AVEN: variants seen among roughly 807,000 people sequenced by gnomAD.
The protein encoded by AVEN is apoptosis and caspase activation inhibitor, also known as cell death regulator Aven.
AVEN carries 41 observed loss-of-function variants against 38.1 expected under a neutral mutation model. That is an observed-to-expected ratio of 1.08 (90% CI 0.84 to 1.40). The LOEUF (loss-of-function observed/expected upper bound fraction) is 1.40, where lower values mean the gene tolerates loss of function less well. Among genes scored for constraint, AVEN ranks in the 40% most tolerant of loss-of-function variants. AVEN has a pLI of 0.00. For missense variants in AVEN, 605 were observed against 438.8 expected (o/e 1.38, Z -3.38); for synonymous variants, 206 against 171.8 (o/e 1.20, Z -1.56).
chr15:33,893,234 C>T (rs896530266), intron 2 of AVEN, among the ~76,000 whole-genome samples: 1 of 152,166 alleles, frequency 6.6e-6, no homozygotes, highest in African/African-American at 2.4e-5. Flanking sequence ...CTGATTACAC[C>T]AGCCAGAACT....
chr15:33,894,255 C>G (rs1892113479), intron 2 of AVEN, among the ~76,000 whole-genome samples: 1 of 151,852 alleles, frequency 6.6e-6, no homozygotes, highest in Non-Finnish European at 1.5e-5. Flanking sequence ...TGACTGATGC[C>G]AAGAATTTTA....
chr15:33,960,744 T>A lies in AVEN; in HGVS notation c.445+42288A>T, dbSNP rs373725911. ...ATTTTATCTTCTGCTGTATAGCGAC[T>A]TGAGTATAACATAAAGATAACATTA... On this transcript the variant is annotated intron_variant, in intron 2 of 5. Transcript: ENST00000306730. Among the ~76,000 whole-genome samples, 21 of 152,314 alleles carry A rather than the reference T, an allele frequency of 1.4e-4. No homozygotes were observed. In the South Asian group the frequency reaches 4.1e-3, roughly 30 times the overall value.
Position 33,867,815 on chromosome 15 carries a change from C to T in AVEN, c.653G>A (p.Arg218Lys). ...PLEVPQVKPK[R>K]TDDGKGLGMQ... ...CCCTAATCCCTTGCCATCATCAGTT[C>T]TCTTTGGTTTCACCTGAGGAACCTC... Residue 218 changes from arginine (R) to lysine (K), a missense_variant, in exon 5 of 6, where the codon AGA (arginine) becomes AAA (lysine). Coordinates refer to ENST00000306730, the MANE Select transcript of AVEN (RefSeq NM_020371.3). 1 of 1,606,664 alleles carries T rather than the reference C, an allele frequency of 6.2e-7. No individual in the cohort carries two copies. Among genetic ancestry groups the T allele is most frequent in the Non-Finnish European group, 8.5e-7 (1 of 1,177,834 alleles).
In AVEN at chr15:33,867,643, C is replaced by G. The variant is rs1890695107; in HGVS notation, c.825G>C (p.Leu275=). ...CTTCCAAATGGTCTCCTGCTGACTG[C>G]AGTGGGGAAGTGGGTTTCTGAGAAT... is the stretch of plus-strand genomic sequence containing the variant. The part of the protein sequence containing the change: ...SRDSQKPTSP[L]QSAGDHLEEE... Residue 275 remains leucine (L), a synonymous_variant, in exon 5 of 6, where the codon CTG becomes CTC. Transcript: ENST00000306730. 1 of 1,614,166 alleles carries G rather than the reference C, an allele frequency of 6.2e-7. No individual in the cohort carries two copies. The highest frequency in any genetic ancestry group is 8.5e-7 in the Non-Finnish European group (1 of 1,180,030).
intron 2 of AVEN, among the ~76,000 whole-genome samples, chr15:33,942,212 G>C (rs1176239951): frequency 6.6e-6 from 1 of 152,104 alleles, no homozygotes; most frequent in Non-Finnish European, 1.5e-5. Context: ...AGCTCCTGTT[G>C]TCAAATTCTA....
At chr15:33,942,718 T>C (rs922582924) in intron 2 of AVEN, among the ~76,000 whole-genome samples, 6 of 152,248 alleles carry the variant, frequency 3.9e-5, no homozygotes, top group Non-Finnish European at 7.3e-5. Flanking sequence ...CCCAAAGTGC[T>C]GGGATTACAG....
intron 5 of AVEN, 144 bp from the exon 6 acceptor site, chr15:33,866,872 C>CAAAT: frequency 3.2e-6 from 2 of 625,572 alleles, no homozygotes; most frequent in East Asian, 5.7e-5. Context: ...AATATCTAAA[C>CAAAT]AAATAAAGCT....
Position 34,058,484 on chromosome 15 carries a change from G to C in AVEN, n.1637+4438C>G, listed in dbSNP as rs529958323. On this transcript the variant is annotated intron_variant and non_coding_transcript_variant, in intron 5 of 11. Coordinates refer to the AVEN transcript ENST00000675287. ...CCTGAGAAATCAGGAGAGAGAGAGA[G>C]CCAATTTCCCAAACAGGCCACTATA... 2.6e-5 allele frequency among the ~76,000 whole-genome samples: 4 copies of C among 151,652 alleles called. No individual in the cohort carries two copies. In the South Asian group the frequency reaches 8.3e-4, roughly 32 times the overall value.
chr15:33,878,129 A>G (rs117891726), intron 2 of AVEN, among the ~76,000 whole-genome samples: 4,945 of 152,288 alleles, frequency 0.032, 157 homozygotes, highest in Non-Finnish European at 0.039. Flanking sequence ...TACCAATTTC[A>G]CCTAATGAAG....
intron 2 of AVEN, among the ~76,000 whole-genome samples, chr15:33,994,531 T>G (rs1266461662): frequency 6.6e-6 from 1 of 152,200 alleles, no homozygotes; most frequent in Non-Finnish European, 1.5e-5. Flanking sequence ...GTGGAAAAAT[T>G]GTCTTCCACA....
chr15:33,938,713 G>T (rs1894196909), intron 2 of AVEN, among the ~76,000 whole-genome samples: 1 of 152,144 alleles, frequency 6.6e-6, no homozygotes, highest in East Asian at 1.9e-4. Flanking sequence ...AACAGAGAAT[G>T]CATTAGTTAT....
At chr15:33,883,223 G>C (rs996273160) in intron 2 of AVEN, among the ~76,000 whole-genome samples, 4 of 152,292 alleles carry the variant, frequency 2.6e-5, no homozygotes, top group South Asian at 4.2e-4. Flanking sequence ...AGCAACTTTA[G>C]TATTGCAAAT....
At chr15:33,878,284 A>C (rs909692028) in intron 2 of AVEN, among the ~76,000 whole-genome samples, 1 of 152,176 alleles carries the variant, frequency 6.6e-6, no homozygotes, top group Admixed American at 6.5e-5. Flanking sequence ...ATGTATTCAA[A>C]AGTCTCAATA....
intron 1 of AVEN, among the ~76,000 whole-genome samples, chr15:34,072,161 C>A (rs1030456276): frequency 2.0e-5 from 3 of 151,830 alleles, no homozygotes; most frequent in Non-Finnish European, 4.4e-5. Context: ...CCTAGCTGCT[C>A]AAGAGGCTGA....
chr15:33,876,106 G>T (rs577649759), intron 2 of AVEN, 111 bp from the exon 3 acceptor site: 1 of 931,932 alleles, frequency 1.1e-6, no homozygotes, highest in East Asian at 2.6e-5. Context: ...CAAACTCAAA[G>T]GGAGAGGCAA....
At chr15:33,873,117 T>C (rs1891064478) in intron 3 of AVEN, among the ~76,000 whole-genome samples, 2 of 143,378 alleles carry the variant, frequency 1.4e-5, no homozygotes. Context: ...TTTTTTTTTT[T>C]TTGAGATGGA....
At chr15:34,029,886 G>T (rs1376004283) in intron 1 of AVEN, among the ~76,000 whole-genome samples, 2 of 152,158 alleles carry the variant, frequency 1.3e-5, no homozygotes, top group African/African-American at 4.8e-5. Flanking sequence ...AGGAAAAAAT[G>T]ATGTTGAAAC....
At chr15:34,041,063 T>C (rs183460364), upstream of AVEN, among the ~76,000 whole-genome samples, 3 of 152,220 alleles carry the variant, frequency 2.0e-5, no homozygotes, top group East Asian at 5.8e-4. Flanking sequence ...AACTAGACAT[T>C]TGCACAAATC....
chr15:33,868,791 T>C lies in AVEN; in HGVS notation c.613-936A>G, dbSNP rs1890812508. Among the ~76,000 whole-genome samples, 3 of 152,154 alleles carry C rather than the reference T, an allele frequency of 2.0e-5. 1 individual carries two copies. The South Asian group carries it at 6.2e-4, about 32-fold the overall frequency. On this transcript the variant is annotated intron_variant, in intron 4 of 5. Coordinates refer to ENST00000306730, the MANE Select transcript of AVEN (RefSeq NM_020371.3). ...GGGAGAGAGTGACGTGGAGTGTGTA[T>C]GAATGGTGGCTTCTGAGGTGCTGAC...
Sources: allele counts gnomAD v4.1 joint callset (sites outside exome capture counted in the v4.1 genomes callset), GRCh38; gene constraint gnomAD v4.1.1; transcripts MANE v1.5; gene names NCBI Gene and HGNC (gene_info 2026-07-23, HGNC 2026-07-21).